Variants in SLC7A7 observed in about 807,000 individuals in gnomAD.
The protein encoded by SLC7A7 is Y+L amino acid transporter 1.
SLC7A7 carries 39 observed loss-of-function variants against 47.9 expected under a neutral mutation model. That is an observed-to-expected ratio of 0.81 (90% CI 0.63 to 1.06). SLC7A7 has a LOEUF of 1.06. Ranked by LOEUF, SLC7A7 falls within the 50% of genes least tolerant of loss-of-function variation. The probability of loss-of-function intolerance (pLI) is 0.00; values close to 1 mark genes in which losing one functional copy is unlikely to be tolerated. For synonymous variants in SLC7A7, 234 were observed against 242.8 expected, an observed-to-expected ratio of 0.96 and a Z score of 0.34; for missense variants, 588 against 632.0, an observed-to-expected ratio of 0.93 and a Z score of 0.75.
intron 1 of SLC7A7, chr14:22,814,883 C>A: frequency 5.7e-6 from 1 of 176,156 alleles, no homozygotes; most frequent in South Asian, 1.2e-4. Context: ...CCCACTTCAC[C>A]CTGAAAGAAG....
At chr14:22,790,790 G>A (rs1231688586) in intron 2 of SLC7A7, among the ~76,000 whole-genome samples, 1 of 152,052 alleles carries the variant, frequency 6.6e-6, no homozygotes, top group African/African-American at 2.4e-5. Context: ...ACGAGTTCAA[G>A]AGATTGAGAC....
At chr14:22,802,723 G>A (rs1360575259) in intron 2 of SLC7A7, among the ~76,000 whole-genome samples, 3 of 152,058 alleles carry the variant, frequency 2.0e-5, no homozygotes, top group African/African-American at 7.2e-5. Context: ...TAGTGTCTCT[G>A]CCTCCAGCCT....
chr14:22,775,540 C>A lies in SLC7A7; in HGVS notation c.999G>T (p.Arg333Ser). The A allele has an allele frequency of 6.2e-7, 1 of 1,613,976 alleles. No homozygotes were observed. The highest frequency in any genetic ancestry group is 8.5e-7 in the Non-Finnish European group (1 of 1,179,886). The part of the protein sequence containing the change: ...GLNASIVAAS[R>S]LFFVGSREGH... ...CTTCTCTTGAGCCCACAAAGAAAAG[C>A]CTATGTTAGGTAAGATAGGAGAAGC... Residue 333 changes from arginine (R) to serine (S), a missense_variant and splice_region_variant, in exon 7 of 10, where the codon AGG (arginine) becomes AGT (serine). Coordinates refer to ENST00000674313, the MANE Select transcript of SLC7A7 (RefSeq NM_003982.4).
At chr14:22,793,011 G>A (rs2038953145) in intron 2 of SLC7A7, among the ~76,000 whole-genome samples, 1 of 151,510 alleles carries the variant, frequency 6.6e-6, no homozygotes, top group Non-Finnish European at 1.5e-5. Context: ...CCGCCTCCCG[G>A]GTTCATGCCG....
chr14:22,785,598 C>T (rs2038798764), intron 2 of SLC7A7, among the ~76,000 whole-genome samples: 1 of 151,920 alleles, frequency 6.6e-6, no homozygotes, highest in Non-Finnish European at 1.5e-5. Flanking sequence ...CGTGGTGGCA[C>T]ATGCCTGTAA....
At chr14:22,782,236 G>A (rs970581063) in intron 2 of SLC7A7, among the ~76,000 whole-genome samples, 64 of 151,832 alleles carry the variant, frequency 4.2e-4, no homozygotes, top group African/African-American at 1.4e-3. Context: ...CCAAGTAGCT[G>A]GGATTACAGG....
intron 2 of SLC7A7, among the ~76,000 whole-genome samples, chr14:22,800,440 T>C (rs941249810): frequency 1.3e-5 from 2 of 152,182 alleles, no homozygotes; most frequent in African/African-American, 4.8e-5. Context: ...CCTCTACCTA[T>C]AGAGTATGAC....
chr14:22,793,540 G>A (rs779510667), intron 2 of SLC7A7, among the ~76,000 whole-genome samples: 2 of 152,130 alleles, frequency 1.3e-5, no homozygotes, highest in Admixed American at 6.5e-5. Flanking sequence ...GGCTGGGCAC[G>A]GTGGCTCATG....
At position 22,773,968 on chromosome 14, in the gene SLC7A7, T is replaced by C; in HGVS notation, c.1394A>G (p.Glu465Gly). The part of the protein sequence containing the change: ...PFYFLIIRVP[E>G]HKRPLYLRRI... The stretch of plus-strand genomic sequence containing the variant: ...TCGGAGGTAAAGCGGTCGCTTATGT[T>C]CTGGCACTCTGATGATGAGGAAGTA... The change falls in exon 9 of 10, where the codon GAA becomes GGA. Residue 465 changes from glutamate to glycine, a missense_variant. Transcript: ENST00000674313. 1 of 1,614,182 alleles carries C rather than the reference T, an allele frequency of 6.2e-7. No homozygotes were observed. Among genetic ancestry groups the C allele is most frequent in the Non-Finnish European group, 8.5e-7 (1 of 1,180,036 alleles).
intron 6 of SLC7A7, 45 bp from the exon 7 acceptor site, chr14:22,775,585 G>A (rs374581096): frequency 1.3e-5 from 19 of 1,518,294 alleles, no homozygotes; most frequent in Middle Eastern, 1.8e-4. Context: ...TGGTGGACAC[G>A]GTGCAGCCTG....
intron 4 of SLC7A7, among the ~76,000 whole-genome samples, chr14:22,776,736 G>A (rs1294347888): frequency 2.0e-5 from 3 of 152,154 alleles, no homozygotes; most frequent in Non-Finnish European, 4.4e-5. Flanking sequence ...GGGAGGCCGA[G>A]CCGGGTGGAT....
intron 2 of SLC7A7, among the ~76,000 whole-genome samples, chr14:22,785,267 G>A (rs1566446841): frequency 6.6e-6 from 1 of 152,148 alleles, no homozygotes; most frequent in Non-Finnish European, 1.5e-5. Context: ...GACACAGTGA[G>A]ACTCCATCTC....
upstream of SLC7A7, chr14:22,815,701 G>A: frequency 4.4e-6 from 2 of 453,946 alleles, no homozygotes; most frequent in Non-Finnish European, 8.8e-6. Context: ...GCTGAGTGCA[G>A]TATCTGTAGC....
chr14:22,779,469 G>GGA (rs2038676616), intron 3 of SLC7A7, among the ~76,000 whole-genome samples: 1 of 140,472 alleles, frequency 7.1e-6, no homozygotes, highest in Admixed American at 6.9e-5. Context: ...TTTTTTTTGG[G>GGA]GGGGGGACAG....
chr14:22,812,155 C>T (rs2039319203), intron 2 of SLC7A7, among the ~76,000 whole-genome samples: 1 of 142,498 alleles, frequency 7.0e-6, no homozygotes, highest in African/African-American at 2.4e-5. Context: ...AACAAAACTA[C>T]ACCTCTTTTT....
At chr14:22,811,971 A>G (rs2039315122) in intron 2 of SLC7A7, among the ~76,000 whole-genome samples, 1 of 152,204 alleles carries the variant, frequency 6.6e-6, no homozygotes, top group Admixed American at 6.5e-5. Context: ...GGCCATTAAC[A>G]GAGGACCAGC....
intron 1 of SLC7A7, among the ~76,000 whole-genome samples, chr14:22,814,345 G>A (rs1566465314): frequency 2.0e-5 from 3 of 151,748 alleles, no homozygotes; most frequent in South Asian, 2.1e-4. Flanking sequence ...TTAGCCATGC[G>A]TGGTGGCACA....
intron 2 of SLC7A7, 127 bp downstream of exon 2, chr14:22,812,773 C>CTGTATATATATATATATATATATA (rs2039331861): frequency 2.5e-6 from 1 of 398,386 alleles, no homozygotes; most frequent in Non-Finnish European, 3.9e-6. Context: ...CATACTTTAA[C>CTGTATATATATATATATATATATA]TATATATATA....
chr14:22,802,957 C>T (rs911914897), intron 2 of SLC7A7, among the ~76,000 whole-genome samples: 1 of 151,866 alleles, frequency 6.6e-6, no homozygotes. Flanking sequence ...GTGCCTAAAA[C>T]GTCCTGCCCC....
Sources: allele counts gnomAD v4.1 joint callset (sites outside exome capture counted in the v4.1 genomes callset), GRCh38; gene constraint gnomAD v4.1.1; transcripts MANE v1.5; gene names NCBI Gene and HGNC (gene_info 2026-07-23, HGNC 2026-07-21).